Variants in SLC7A2 observed in about 807,000 individuals in gnomAD.
SLC7A2 encodes solute carrier family 7 member 2.
Under a neutral mutation model 58.9 loss-of-function variants are expected in SLC7A2, and 48 were observed. The observed-to-expected ratio is 0.82, with a 90% CI of 0.65 to 1.04. The LOEUF is 1.04. Ranked by LOEUF, SLC7A2 falls within the 50% of genes least tolerant of loss-of-function variation. The pLI is 0.00. For synonymous variants in SLC7A2, 363 were observed against 314.5 expected, an observed-to-expected ratio of 1.15 and a Z score of -1.63; for missense variants, 1,029 against 818.8, an observed-to-expected ratio of 1.26 and a Z score of -3.13.
At chr8:17,525,278 C>G (rs1261171383) in intron 2 of SLC7A2, among the ~76,000 whole-genome samples, 3 of 152,064 alleles carry the variant, frequency 2.0e-5, no homozygotes, top group South Asian at 2.1e-4. Flanking sequence ...AAGGGGATAA[C>G]CGTGATCAGA....
chr8:17,526,232 C>T (rs1003337244), intron 2 of SLC7A2, among the ~76,000 whole-genome samples: 4 of 151,934 alleles, frequency 2.6e-5, no homozygotes, highest in Non-Finnish European at 5.9e-5. Flanking sequence ...TTGAGGGATT[C>T]AGATTTAAAA....
chr8:17,503,195 C>A (rs1251390418), intron 2 of SLC7A2, among the ~76,000 whole-genome samples: 1 of 151,922 alleles, frequency 6.6e-6, no homozygotes, highest in Non-Finnish European at 1.5e-5. Context: ...GGACTACAGG[C>A]GCCCGCCACC....
At chr8:17,507,914 A>G (rs1800438992) in intron 2 of SLC7A2, among the ~76,000 whole-genome samples, 1 of 152,144 alleles carries the variant, frequency 6.6e-6, no homozygotes, top group Admixed American at 6.6e-5. Flanking sequence ...CTATTTTCGT[A>G]GAGTGACATT....
In SLC7A2 at chr8:17,570,496, T is replaced by G. The variant is rs1177449765; in HGVS notation, c.*5350T>G. 6.6e-6 allele frequency: 1 copy of G among 152,628 alleles called. No homozygotes were observed. Among genetic ancestry groups the G allele is most frequent in the Non-Finnish European group, 1.5e-5 (1 of 68,030 alleles). 9.5% of individuals were successfully genotyped at this position (152,628 alleles called of 1,614,324 possible). A position where few individuals can be genotyped will look rare whatever the true frequency, so the allele number is the denominator to read the frequency against. On this transcript the variant is annotated 3_prime_UTR_variant, in exon 13 of 13. Transcript: ENST00000494857. ...TTTAGAATTTGTAATAAATAAAAAC[T>G]GCTGCTTTACCACTGTAAAATATGC...
intron 2 of SLC7A2, among the ~76,000 whole-genome samples, chr8:17,503,340 G>T (rs1030766546): frequency 1.3e-5 from 2 of 152,046 alleles, no homozygotes; most frequent in African/African-American, 4.8e-5. Flanking sequence ...GTGAGCCACC[G>T]CGCCCGGCTG....
At chr8:17,530,402 G>A (rs562718703) in intron 2 of SLC7A2, among the ~76,000 whole-genome samples, 304 of 152,192 alleles carry the variant, frequency 2.0e-3, no homozygotes, top group Non-Finnish European at 3.4e-3. Context: ...AGACTTATGT[G>A]CTAAGGGTAG....
chr8:17,534,091 A>G (rs1585222914), intron 2 of SLC7A2, among the ~76,000 whole-genome samples: 1 of 152,162 alleles, frequency 6.6e-6, no homozygotes, highest in African/African-American at 2.4e-5. Context: ...AAAGGACATG[A>G]TCTTGTTCCT....
Position 17,565,139 on chromosome 8 carries a change from A to G in SLC7A2, c.1970A>G (p.Glu657Gly). ...TTCATATTCCATGAAAAGACAAGTG[A>G]ATTCTAACACTTGCAGGAGCAGAGC... ...SPFIFHEKTS[E>G]F Residue 657 changes from glutamate to glycine, a missense_variant, in exon 13 of 13, where the codon GAA becomes GGA. Glu to Gly is a moderately conservative substitution (Grantham distance 98, BLOSUM62 -2). Coordinates refer to ENST00000494857, the MANE Select transcript of SLC7A2 (RefSeq NM_001370338.1). 2 of 1,611,248 alleles carry G rather than the reference A, an allele frequency of 1.2e-6. No individual in the cohort carries two copies. Among genetic ancestry groups the G allele is most frequent in the Non-Finnish European group, 1.7e-6 (2 of 1,177,966 alleles).
chr8:17,561,953 T>C lies in SLC7A2; in HGVS notation c.1514T>C (p.Val505Ala), dbSNP rs1197926176. 1.2e-6 allele frequency: 2 copies of C among 1,614,076 alleles called. No homozygotes were observed. The highest frequency in any genetic ancestry group is 4.5e-5 in the East Asian group (2 of 44,864). The part of the protein sequence containing the change: ...SFLVGFLAFL[V>A]LGLSVLTTYG... ...ACACATCCCCCTGCAGCTTTCCTCGTGTTGGGCCTGAGTGTCTTGACCACT... is the reference window on the plus strand; with the variant it reads ...ACACATCCCCCTGCAGCTTTCCTCGCGTTGGGCCTGAGTGTCTTGACCACT... The change falls in exon 11 of 13, where the codon GTG becomes GCG. Residue 505 changes from valine to alanine, a missense_variant. By Grantham distance (64) the Val-to-Ala change is moderately conservative (BLOSUM62 0). Coordinates refer to ENST00000494857, the MANE Select transcript of SLC7A2 (RefSeq NM_001370338.1).
Position 17,515,373 on chromosome 8 carries a change from G to T in SLC7A2, c.-23+13071G>T, listed in dbSNP as rs1349139443. 6.0e-5 allele frequency among the ~76,000 whole-genome samples: 9 copies of T among 150,860 alleles called. 1 individual carries two copies. The highest frequency in any genetic ancestry group is 6.0e-4 in the Admixed American group (9 of 15,120). ...TGCAGTGTCGCAATCTCGGCTCACT[G>T]CAACCTCCACCTCCCAGGTTCAAGC... On this transcript the variant is annotated intron_variant, in intron 2 of 12. Coordinates refer to ENST00000494857, the MANE Select transcript of SLC7A2 (RefSeq NM_001370338.1).
At chr8:17,495,127 A>G (rs1039326833), upstream of SLC7A2, among the ~76,000 whole-genome samples, 19 of 152,144 alleles carry the variant, frequency 1.2e-4, no homozygotes, top group African/African-American at 4.6e-4. Context: ...AGGAATCTCT[A>G]TTTTTTTATT....
intron 8 of SLC7A2, among the ~76,000 whole-genome samples, chr8:17,557,660 C>T (rs2588248): frequency 0.29 from 43,981 of 151,656 alleles, 6,553 homozygotes; most frequent in Middle Eastern, 0.44. Context: ...AAACCCTGCC[C>T]CTACGAAAAA....
intron 2 of SLC7A2, among the ~76,000 whole-genome samples, chr8:17,508,406 T>C (rs544686347): frequency 6.6e-6 from 1 of 152,316 alleles, no homozygotes; most frequent in East Asian, 1.9e-4. Flanking sequence ...CTAGGTATTG[T>C]TGGATGCCCT....
At chr8:17,500,158 T>C (rs1310671527) in intron 1 of SLC7A2, 1 of 152,220 alleles carries the variant, frequency 6.6e-6, no homozygotes, top group African/African-American at 2.4e-5. Context: ...GTTTTTTATT[T>C]TGCTGTACTC....
At position 17,560,550 on chromosome 8, in the gene SLC7A2, G is replaced by C. The variant is rs373534395; in HGVS notation, c.1504+17G>C. 3.1e-6 allele frequency: 5 copies of C among 1,596,808 alleles called. No homozygotes were observed. In the African/African-American group the frequency reaches 4.0e-5, roughly 13 times the overall value. ...GATTCCTAGGTAAGTCTTCTTCTCT[G>C]CTTACATTGTACAGACCCAGAAGAT... On this transcript the variant is annotated intron_variant, in intron 10 of 12. Transcript: ENST00000494857.
intron 1 of SLC7A2, among the ~76,000 whole-genome samples, chr8:17,501,735 A>T (rs1184776089): frequency 1.3e-5 from 2 of 152,140 alleles, no homozygotes; most frequent in African/African-American, 4.8e-5. Context: ...ATGTAAAATG[A>T]GATAAAAAAA....
intron 2 of SLC7A2, among the ~76,000 whole-genome samples, chr8:17,513,136 T>G (rs1319406492): frequency 6.6e-6 from 1 of 152,204 alleles, no homozygotes; most frequent in Non-Finnish European, 1.5e-5. Flanking sequence ...AAATATCTCT[T>G]CAAGACCCTG....
rs1803305623 is a variant in SLC7A2 at position 17,567,215 on chromosome 8, T to G, written c.*2069T>G. On this transcript the variant is annotated 3_prime_UTR_variant, in exon 13 of 13. Coordinates refer to ENST00000494857, the MANE Select transcript of SLC7A2 (RefSeq NM_001370338.1). ...GGACTGTAGGCATGCTCATAAATCC[T>G]TGCTGTTGTCACAGTACGCTGAAAA... 1 of 152,598 alleles carries G rather than the reference T, an allele frequency of 6.6e-6. No individual in the cohort carries two copies. Among genetic ancestry groups the G allele is most frequent in the South Asian group, 2.1e-4 (1 of 4,824 alleles). The allele number at this position is 152,598 out of a possible 1,614,324, so 9.5% of individuals were successfully genotyped here. A position where few individuals can be genotyped will look rare whatever the true frequency, so the allele number is the denominator to read the frequency against.
At chr8:17,512,248 A>G (rs547998847) in intron 2 of SLC7A2, among the ~76,000 whole-genome samples, 79 of 152,166 alleles carry the variant, frequency 5.2e-4, no homozygotes, top group African/African-American at 1.8e-3. Flanking sequence ...TCCAAAATCC[A>G]TCATTAAAAC....
Sources: allele counts gnomAD v4.1 joint callset (sites outside exome capture counted in the v4.1 genomes callset), GRCh38; gene constraint gnomAD v4.1.1; transcripts MANE v1.5; gene names NCBI Gene and HGNC (gene_info 2026-07-23, HGNC 2026-07-21).